The following TRIM16 variants were observed in gnomAD, a reference collection of about 807,000 sequenced individuals.
The protein encoded by TRIM16 is tripartite motif containing 16, also known as tripartite motif-containing protein 16.
TRIM16 carries 33 observed loss-of-function variants against 50.4 expected under a neutral mutation model. The ratio of observed to expected loss-of-function variants is 0.65; its 90% CI spans 0.50 to 0.88. The LOEUF is 0.88. Among genes scored for constraint, TRIM16 ranks in the 40% least tolerant of loss-of-function variants. TRIM16 has a pLI of 0.00. For missense variants in TRIM16, 581 were observed against 686.8 expected, an observed-to-expected ratio of 0.85 and a Z score of 1.72; for synonymous variants, 229 against 270.7, an observed-to-expected ratio of 0.85 and a Z score of 1.51.
At chr17:15,644,516 T>C (rs139894767) in intron 7 of TRIM16, among the ~76,000 whole-genome samples, 378 of 152,324 alleles carry the variant, frequency 2.5e-3, no homozygotes, top group African/African-American at 8.8e-3. Flanking sequence ...GGAGGCTTCA[T>C]GATGTAGGCA....
intron 1 of TRIM16, chr17:15,683,843 A>G (rs975545788): frequency 4.6e-5 from 7 of 152,430 alleles, no homozygotes; most frequent in South Asian, 2.1e-4. Flanking sequence ...CGGTTCCACC[A>G]CACTGCAGGC....
At position 15,674,146 on chromosome 17, in the gene TRIM16, C is replaced by T. The variant is rs189527001; in HGVS notation, c.-338+3030G>A. 3.1e-3 allele frequency among the ~76,000 whole-genome samples: 468 copies of T among 152,098 alleles called. 1 individual carries two copies. Among genetic ancestry groups the T allele is most frequent in the African/African-American group, 0.011 (453 of 41,484 alleles). ...CAGCACTTTGGGAGGCTGAGACGGG[C>T]GGATCATGAGGTCAAGAGATTGAGA... On this transcript the variant is annotated intron_variant, in intron 6 of 11. Coordinates refer to ENST00000649191, the MANE Select transcript of TRIM16 (RefSeq NM_001348119.1).
intron 6 of TRIM16, among the ~76,000 whole-genome samples, chr17:15,668,828 G>T (rs1367859469): frequency 6.6e-6 from 1 of 151,942 alleles, no homozygotes; most frequent in African/African-American, 2.4e-5. Context: ...TATTCAATAA[G>T]GACAATTAGT....
chr17:15,662,325 G>A (rs78567719), intron 6 of TRIM16, among the ~76,000 whole-genome samples: 4 of 152,264 alleles, frequency 2.6e-5, no homozygotes, highest in African/African-American at 9.6e-5. Context: ...CTACTGTGGG[G>A]GACCTTCTTG....
intron 6 of TRIM16, among the ~76,000 whole-genome samples, chr17:15,662,439 G>A (rs1390625610): frequency 2.0e-5 from 3 of 152,152 alleles, no homozygotes; most frequent in Admixed American, 6.5e-5. Context: ...CTTCTTAGTT[G>A]ATACTCACCC....
At chr17:15,648,392 C>G (rs553707377) in intron 7 of TRIM16, among the ~76,000 whole-genome samples, 36 of 152,258 alleles carry the variant, frequency 2.4e-4, no homozygotes, top group South Asian at 1.9e-3. Context: ...ACCCACCTCT[C>G]AAAGCACACA....
At chr17:15,635,320 C>G (rs1269072610) in intron 9 of TRIM16, among the ~76,000 whole-genome samples, 1 of 148,864 alleles carries the variant, frequency 6.7e-6, no homozygotes, top group South Asian at 2.2e-4. Flanking sequence ...GCAGTTTACC[C>G]CCAACCTAGT....
Position 15,629,188 on chromosome 17 carries a change from G to A in TRIM16, c.1122C>T (p.Asp374=). The A allele has an allele frequency of 6.2e-7, 1 of 1,608,812 alleles. No individual in the cohort carries two copies. Among genetic ancestry groups the A allele is most frequent in the Non-Finnish European group, 8.5e-7 (1 of 1,176,630 alleles). Residue 374 remains aspartate, a synonymous_variant, in exon 12 of 12, where the codon GAC becomes GAT. Coordinates refer to ENST00000649191, the MANE Select transcript of TRIM16 (RefSeq NM_001348119.1). ...GTGCTGTGTCCGGGTCAAACGTGAT[G>A]TCATACGCATCTGAGGAGACACAGA... ...TREQFLQYAY[D]ITFDPDTAHK...
At chr17:15,660,013 C>T (rs1003372115) in intron 6 of TRIM16, among the ~76,000 whole-genome samples, 3 of 152,206 alleles carry the variant, frequency 2.0e-5, no homozygotes, top group Non-Finnish European at 4.4e-5. Flanking sequence ...GGTAAGCGAA[C>T]AGACACCTTC....
At chr17:15,672,726 C>G (rs866788815) in intron 6 of TRIM16, among the ~76,000 whole-genome samples, 1 of 152,216 alleles carries the variant, frequency 6.6e-6, no homozygotes, top group Middle Eastern at 3.4e-3. Context: ...GAGCAAAACC[C>G]TGTCTCAAAC....
Position 15,677,244 on chromosome 17 carries a change from TAGG to T in TRIM16, c.-409_-407del, listed in dbSNP as rs1988989646. ...TCGTGGGCTTACCACTTCTTCCAAC[TAGG>T]AGATGATACCAGGTTTGGAAAATGG... On this transcript the variant is annotated 5_prime_UTR_variant, in exon 6 of 12. It introduces an in-frame stop codon into an upstream open reading frame of the 5' UTR. Coordinates refer to ENST00000649191, the MANE Select transcript of TRIM16 (RefSeq NM_001348119.1). 1 of 985,428 alleles carries T rather than the reference TAGG, an allele frequency of 1.0e-6. No homozygotes were observed. Among genetic ancestry groups the T allele is most frequent in the African/African-American group, 1.7e-5 (1 of 57,348 alleles). 61.0% of individuals were successfully genotyped at this position (985,428 alleles called of 1,614,324 possible). A position where few individuals can be genotyped will look rare whatever the true frequency, so the allele number is the denominator to read the frequency against.
intron 3 of TRIM16, among the ~76,000 whole-genome samples, chr17:15,681,821 T>C (rs1025153231): frequency 7.9e-5 from 12 of 152,246 alleles, no homozygotes; most frequent in African/African-American, 2.9e-4. Context: ...TCTCCACCCA[T>C]CTCCAAAAAG....
At chr17:15,678,828 G>A (rs1989054809) in intron 4 of TRIM16, among the ~76,000 whole-genome samples, 1 of 151,182 alleles carries the variant, frequency 6.6e-6, no homozygotes, top group African/African-American at 2.4e-5. Context: ...ACAGTCAGGT[G>A]GCAAGCTTCA....
intron 9 of TRIM16, among the ~76,000 whole-genome samples, chr17:15,634,828 C>T (rs1212484809): frequency 2.7e-5 from 4 of 148,656 alleles, no homozygotes; most frequent in Non-Finnish European, 6.0e-5. Flanking sequence ...AACACACACA[C>T]ACAAAAATAA....
rs1205295104 is a variant in TRIM16, at chr17:15,629,140, C to T, written c.1170G>A (p.Glu390=). Residue 390 remains glutamate, a synonymous_variant, in exon 12 of 12, where the codon GAG becomes GAA. Coordinates refer to ENST00000649191, the MANE Select transcript of TRIM16 (RefSeq NM_001348119.1). ...TGGTGTTGGTGACCTTGCGGTTCTC[C>T]TCCTGCAGCCGGAGATACTTGTGTG... The part of the protein sequence containing the change: ...DTAHKYLRLQ[E]ENRKVTNTTP... The T allele has an allele frequency of 1.2e-6, 2 of 1,612,912 alleles. No individual in the cohort carries two copies. The highest frequency in any genetic ancestry group is 2.2e-5 in the South Asian group (2 of 90,962).
At chr17:15,655,577 CTCTT>C (rs1336319437) in intron 6 of TRIM16, among the ~76,000 whole-genome samples, 1 of 151,378 alleles carries the variant, frequency 6.6e-6, no homozygotes, top group African/African-American at 2.4e-5. Context: ...TTTGATCTCT[CTCTT>C]TTTTTTTTTT....
At chr17:15,679,175 A>T (rs1203598287) in intron 4 of TRIM16, among the ~76,000 whole-genome samples, 1 of 152,096 alleles carries the variant, frequency 6.6e-6, no homozygotes, top group Non-Finnish European at 1.5e-5. Flanking sequence ...CACCGCATCC[A>T]GCCAACAGAT....
chr17:15,678,206 G>A (rs1271665864), intron 4 of TRIM16, among the ~76,000 whole-genome samples: 1 of 150,146 alleles, frequency 6.7e-6, no homozygotes, highest in East Asian at 2.0e-4. Context: ...GCAACAGAAC[G>A]AGACTGTGTC....
intron 6 of TRIM16, among the ~76,000 whole-genome samples, chr17:15,668,598 A>G (rs1292026601): frequency 1.3e-5 from 2 of 151,914 alleles, no homozygotes; most frequent in East Asian, 3.9e-4. Flanking sequence ...GCCTTCCTTC[A>G]GTCCCTTGCC....
Sources: allele counts gnomAD v4.1 joint callset (sites outside exome capture counted in the v4.1 genomes callset), GRCh38; gene constraint gnomAD v4.1.1; transcripts MANE v1.5; gene names NCBI Gene and HGNC (gene_info 2026-07-23, HGNC 2026-07-21).